Variants in LRRTM4 observed in about 807,000 individuals in gnomAD.
LRRTM4 encodes the protein leucine rich repeat transmembrane neuronal 4, also known as leucine-rich repeat transmembrane neuronal protein 4.
Under a neutral mutation model 47.6 loss-of-function variants are expected in LRRTM4, and 25 were observed. The observed-to-expected ratio is 0.53, with a 90% CI of 0.38 to 0.73. The LOEUF is 0.73. Among genes scored for constraint, LRRTM4 ranks in the 30% least tolerant of loss-of-function variants. The pLI is 0.00. For missense variants in LRRTM4, 638 were observed against 713.4 expected, an observed-to-expected ratio of 0.89 and a Z score of 1.20; for synonymous variants, 311 against 269.5, an observed-to-expected ratio of 1.15 and a Z score of -1.51.
At chr2:77,032,021 T>C (rs1251063381) in intron 3 of LRRTM4, among the ~76,000 whole-genome samples, 2 of 152,158 alleles carry the variant, frequency 1.3e-5, no homozygotes, top group Non-Finnish European at 2.9e-5. Flanking sequence ...ATTAAGAATC[T>C]GATCTTTGTT....
At chr2:77,182,222 C>A (rs1170224449) in intron 3 of LRRTM4, among the ~76,000 whole-genome samples, 3 of 152,026 alleles carry the variant, frequency 2.0e-5, no homozygotes, top group Admixed American at 6.6e-5. Context: ...ATATATACAC[C>A]ATGGAATACT....
chr2:77,388,334 C>T (rs1488409876), intron 3 of LRRTM4, among the ~76,000 whole-genome samples: 1 of 152,062 alleles, frequency 6.6e-6, no homozygotes, highest in Non-Finnish European at 1.5e-5. Flanking sequence ...CTTATAACTA[C>T]AAGGCCAGCA....
At chr2:77,160,472 C>A (rs149176512) in intron 3 of LRRTM4, among the ~76,000 whole-genome samples, 3 of 150,894 alleles carry the variant, frequency 2.0e-5, no homozygotes, top group African/African-American at 7.3e-5. Context: ...CTTATAGATT[C>A]CATATAGCCA....
intron 3 of LRRTM4, among the ~76,000 whole-genome samples, chr2:76,886,417 T>C (rs982191549): frequency 3.9e-5 from 6 of 152,172 alleles, no homozygotes; most frequent in African/African-American, 1.2e-4. Flanking sequence ...TTCTCTGCTT[T>C]AGGTTGTTCC....
chr2:77,221,213 C>T (rs1674619109), intron 3 of LRRTM4, among the ~76,000 whole-genome samples: 1 of 152,148 alleles, frequency 6.6e-6, no homozygotes, highest in African/African-American at 2.4e-5. Context: ...AAGCACTAAA[C>T]ATGGAAAGGA....
intron 3 of LRRTM4, among the ~76,000 whole-genome samples, chr2:76,978,164 T>TC (rs1446035677): frequency 5.3e-5 from 8 of 152,016 alleles, no homozygotes; most frequent in Admixed American, 4.6e-4. Flanking sequence ...CATACTATTC[T>TC]CCCCCTTGGC....
In LRRTM4 at chr2:76,847,111, C is replaced by G. The variant is rs536463973; in HGVS notation, c.1552-98195G>C. On this transcript the variant is annotated intron_variant, in intron 3 of 3. Transcript: ENST00000409884. Reference sequence around the variant, plus strand: ...AGAGCAGTCTGCTTTTAAGTGGAGTCCTTCAAAAAATACGAAAAAGGAATC... The same window carrying G: ...AGAGCAGTCTGCTTTTAAGTGGAGTGCTTCAAAAAATACGAAAAAGGAATC... Among the ~76,000 whole-genome samples the G allele has an allele frequency of 5.3e-5, 8 of 152,172 alleles. No individual in the cohort carries two copies. The South Asian group carries it at 1.7e-3, about 32-fold the overall frequency.
intron 3 of LRRTM4, among the ~76,000 whole-genome samples, chr2:77,113,891 A>G (rs1671317834): frequency 6.6e-6 from 1 of 152,130 alleles, no homozygotes; most frequent in Admixed American, 6.6e-5. Flanking sequence ...AAGAATTAGC[A>G]TATATATGGC....
At chr2:76,871,758 T>G (rs1356013956) in intron 3 of LRRTM4, among the ~76,000 whole-genome samples, 4 of 152,224 alleles carry the variant, frequency 2.6e-5, no homozygotes, top group Admixed American at 2.0e-4. Flanking sequence ...TTTTGTTTTT[T>G]CTGATAGACT....
At position 76,886,634 on chromosome 2, in the gene LRRTM4, G is replaced by C. The variant is rs1377663733; in HGVS notation, c.1552-137718C>G. Among the ~76,000 whole-genome samples the C allele has an allele frequency of 2.0e-5, 3 of 152,108 alleles. No individual in the cohort carries two copies. In the East Asian group the frequency reaches 5.8e-4, roughly 29 times the overall value. On this transcript the variant is annotated intron_variant, in intron 3 of 3. Coordinates refer to ENST00000409884, the MANE Select transcript of LRRTM4 (RefSeq NM_001134745.3). The stretch of plus-strand genomic sequence containing the variant: ...ATCAGTAGACTTAATAAGAGCATTT[G>C]TTAAAATGGCTGGTTACAAAAATGC...
chr2:76,781,919 A>C (rs191222885), intron 3 of LRRTM4, among the ~76,000 whole-genome samples: 38 of 152,286 alleles, frequency 2.5e-4, no homozygotes, highest in Non-Finnish European at 1.5e-4. Flanking sequence ...CCTCTTGATC[A>C]TCAGAAGCTG....
At chr2:76,993,468 A>G (rs1416002830) in intron 3 of LRRTM4, among the ~76,000 whole-genome samples, 1 of 152,016 alleles carries the variant, frequency 6.6e-6, no homozygotes, top group Non-Finnish European at 1.5e-5. Context: ...ACACTTCTCA[A>G]AAGAAAACAT....
At chr2:76,932,503 A>C (rs1674804159) in intron 3 of LRRTM4, among the ~76,000 whole-genome samples, 1 of 152,092 alleles carries the variant, frequency 6.6e-6, no homozygotes, top group African/African-American at 2.4e-5. Flanking sequence ...GTGAGTGCAA[A>C]AAAATATTAC....
intron 3 of LRRTM4, among the ~76,000 whole-genome samples, chr2:76,994,707 T>C (rs1316708979): frequency 1.3e-5 from 2 of 152,032 alleles, no homozygotes; most frequent in Non-Finnish European, 2.9e-5. Context: ...TAATTTGTGA[T>C]TGATACACTG....
intron 3 of LRRTM4, among the ~76,000 whole-genome samples, chr2:77,511,637 A>G (rs1437374740): frequency 1.3e-5 from 2 of 151,876 alleles, no homozygotes; most frequent in African/African-American, 4.8e-5. Context: ...ATTTATTATT[A>G]TTGTTTGTAC....
intron 3 of LRRTM4, among the ~76,000 whole-genome samples, chr2:76,797,421 A>AT (rs1333205263): frequency 6.6e-6 from 1 of 152,110 alleles, no homozygotes; most frequent in African/African-American, 2.4e-5. Context: ...ATGCTGAGAG[A>AT]TTTTGTCACC....
intron 3 of LRRTM4, among the ~76,000 whole-genome samples, chr2:77,054,778 G>C (rs915980959): frequency 5.9e-5 from 9 of 152,134 alleles, no homozygotes; most frequent in Non-Finnish European, 1.3e-4. Context: ...AAACAATCAG[G>C]CTGCTATTTC....
In LRRTM4 at chr2:76,900,855, T is replaced by C. The variant is rs145217342; in HGVS notation, c.1552-151939A>G. On this transcript the variant is annotated intron_variant, in intron 3 of 3. Transcript: ENST00000409884. ...CAGTGCAATTCTGAGTCCTCTGACA[T>C]TTAATTAACACTCATTGGATTGAAT... Among the ~76,000 whole-genome samples, 169 of 152,304 alleles carry C rather than the reference T, an allele frequency of 1.1e-3. 1 individual carries two copies. The highest frequency in any genetic ancestry group is 0.01 in the Middle Eastern group (3 of 294).
chr2:76,911,174 G>A (rs1468049677), intron 3 of LRRTM4, among the ~76,000 whole-genome samples: 1 of 152,184 alleles, frequency 6.6e-6, no homozygotes, highest in East Asian at 1.9e-4. Flanking sequence ...CATGGAATAA[G>A]GGTCAGGCAG....
Sources: allele counts gnomAD v4.1 joint callset (sites outside exome capture counted in the v4.1 genomes callset), GRCh38; gene constraint gnomAD v4.1.1; transcripts MANE v1.5; gene names NCBI Gene and HGNC (gene_info 2026-07-23, HGNC 2026-07-21).